The following NPR1 variants were observed in gnomAD, a reference collection of about 807,000 sequenced individuals.
NPR1 encodes natriuretic peptide receptor 1.
Under a neutral mutation model 116.9 loss-of-function variants are expected in NPR1, and 57 were observed. The observed-to-expected ratio is 0.49, with a 90% CI of 0.39 to 0.61. The LOEUF (loss-of-function observed/expected upper bound fraction) is 0.61. NPR1 is among the 20% of genes least tolerant of loss of function. The probability of loss-of-function intolerance (pLI) is 0.00; values close to 1 mark genes in which losing one functional copy is unlikely to be tolerated. For synonymous variants in NPR1, 555 were observed against 601.6 expected (o/e 0.92, Z 1.13); for missense variants, 1,096 against 1,409.8 (o/e 0.78, Z 3.56).
Position 153,693,719 on chromosome 1 carries a change from C to A in NPR1, c.*305C>A. The A allele has an allele frequency of 2.5e-6, 1 of 406,908 alleles. No individual in the cohort carries two copies. The highest frequency in any genetic ancestry group is 4.3e-6 in the Non-Finnish European group (1 of 231,464). The allele number at this position is 406,908 out of a possible 1,614,324, so 25.2% of individuals were successfully genotyped here. A position where few individuals can be genotyped will look rare whatever the true frequency, so the allele number is the denominator to read the frequency against. On this transcript the variant is annotated 3_prime_UTR_variant, in exon 22 of 22. Coordinates refer to ENST00000368680, the MANE Select transcript of NPR1 (RefSeq NM_000906.4). The stretch of plus-strand genomic sequence containing the variant: ...CTGGGCTGTGGATTCCTGATCCCCT[C>A]CCCTCCCCATGCTCTCCTCCCTCAG...
intron 6 of NPR1, 87 bp from the exon 7 acceptor site, chr1:153,683,648 TCATCC>T: frequency 1.3e-6 from 2 of 1,543,352 alleles, no homozygotes; most frequent in Non-Finnish European, 1.8e-6. Context: ...CCTTCATCCA[TCATCC>T]CAGTTCACTG....
At chr1:153,685,626 T>C (rs565889351) in intron 8 of NPR1, among the ~76,000 whole-genome samples, 180 bp from the exon 9 acceptor site, 2 of 152,048 alleles carry the variant, frequency 1.3e-5, no homozygotes, top group East Asian at 3.9e-4. Flanking sequence ...ATAGCACCAC[T>C]GCACTCCAGC....
At chr1:153,683,880 A>G in intron 7 of NPR1, 56 bp downstream of exon 7, 1 of 1,502,222 alleles carries the variant, frequency 6.7e-7, no homozygotes, top group Non-Finnish European at 9.2e-7. Context: ...AACCAATAGC[A>G]GAGGAGGCGG....
In NPR1 at chr1:153,693,440, A is replaced by AC; in HGVS notation, c.*28dup. 6.5e-7 allele frequency: 1 copy of AC among 1,544,546 alleles called. No individual in the cohort carries two copies. The highest frequency in any genetic ancestry group is 8.7e-7 in the Non-Finnish European group (1 of 1,146,174). On this transcript the variant is annotated 3_prime_UTR_variant, in exon 22 of 22. Transcript: ENST00000368680. The stretch of plus-strand genomic sequence containing the variant: ...CCTGCCTCCTCTCCTATCCCTCCAC[A>AC]CCTCCCTACCCTGTGCCAGAAGCAA...
intron 10 of NPR1, 135 bp downstream of exon 10, chr1:153,686,335 C>T: frequency 2.4e-6 from 2 of 840,004 alleles, no homozygotes; most frequent in Non-Finnish European, 2.0e-6. Flanking sequence ...CTGGGATGGA[C>T]CTTCATCTTG....
chr1:153,678,795 C>G lies in NPR1; in HGVS notation c.-314C>G. On this transcript the variant is annotated 5_prime_UTR_variant, in exon 1 of 22. Coordinates refer to ENST00000368680, the MANE Select transcript of NPR1 (RefSeq NM_000906.4). This position sits in a 1 kb window ranked among gnomAD's most constrained non-coding sequence, Gnocchi z 5.8. ...CACGAAGCGCTCACTCGCACCCTTT[C>G]TCTCTCTCTCTCTCTCTCTCTAACA... The G allele has an allele frequency of 1.1e-4, 6 of 54,974 alleles. No homozygotes were observed. Among genetic ancestry groups the G allele is most frequent in the East Asian group, 1.9e-3 (1 of 528 alleles). The allele number at this position is 54,974 out of a possible 1,614,324, so 3.4% of individuals were successfully genotyped here.
chr1:153,682,102 T>C (rs185178478), intron 4 of NPR1, among the ~76,000 whole-genome samples: 1 of 152,164 alleles, frequency 6.6e-6, no homozygotes, highest in Admixed American at 6.5e-5. Context: ...TCCCCAAGAC[T>C]GGAGTGTGGT....
chr1:153,678,806 TC>T lies in NPR1; in HGVS notation c.-302del. On this transcript the variant is annotated 5_prime_UTR_variant, in exon 1 of 22. Transcript: ENST00000368680. The surrounding 1 kb of genome is among the most constrained non-coding windows in gnomAD (Gnocchi z 5.8). ...CACTCGCACCCTTTCTCTCTCTCTC[TC>T]TCTCTCTCTAACACGCACGCACACT... The T allele has an allele frequency of 2.5e-6, 1 of 407,036 alleles. No individual in the cohort carries two copies. Among genetic ancestry groups the T allele is most frequent in the Non-Finnish European group, 4.3e-6 (1 of 230,958 alleles). The allele number at this position is 407,036 out of a possible 1,614,324, so 25.2% of individuals were successfully genotyped here. A position where few individuals can be genotyped will look rare whatever the true frequency, so the allele number is the denominator to read the frequency against.
In NPR1 at chr1:153,681,742, G is replaced by C. The variant is rs1270157417; in HGVS notation, c.1074G>C (p.Leu358=). Residue 358 remains leucine, a synonymous_variant, in exon 4 of 22, where the codon CTG becomes CTC. Transcript: ENST00000368680. ...TIPASFHDGL[L]LYIQAVTETL... is the part of the protein sequence containing the mutation. The stretch of plus-strand genomic sequence containing the variant: ...CAGCATCCTTCCACGACGGGCTCCT[G>C]CTCTATATCCAGGCAGTGACGGAGA... The C allele has an allele frequency of 6.2e-7, 1 of 1,613,980 alleles. No homozygotes were observed. The highest frequency in any genetic ancestry group is 8.5e-7 in the Non-Finnish European group (1 of 1,179,990).
In NPR1 at chr1:153,690,402, A is replaced by G. The variant is rs1466451363; in HGVS notation, c.3031+20A>G. The stretch of plus-strand genomic sequence containing the variant: ...GGGAAGGTACAGTGCCCCCTCCTAG[A>G]GGGAATGGGGAGGGCAGGGTGGCTG... On this transcript the variant is annotated intron_variant, in intron 20 of 21. Coordinates refer to ENST00000368680, the MANE Select transcript of NPR1 (RefSeq NM_000906.4). 1.6e-5 allele frequency: 25 copies of G among 1,533,034 alleles called. No individual in the cohort carries two copies. Among genetic ancestry groups the G allele is most frequent in the Non-Finnish European group, 2.2e-5 (25 of 1,129,822 alleles). 95.0% of individuals were successfully genotyped at this position (1,533,034 alleles called of 1,614,324 possible). A position where few individuals can be genotyped will look rare whatever the true frequency, so the allele number is the denominator to read the frequency against.
chr1:153,693,022 CA>C, intron 20 of NPR1, 83 bp from the exon 21 acceptor site: 1 of 1,114,534 alleles, frequency 9.0e-7, no homozygotes, highest in Non-Finnish European at 1.3e-6. Flanking sequence ...TGTCCACCCC[CA>C]CAGTCCCTGG....
Position 153,689,872 on chromosome 1 carries a change from G to C in NPR1, c.2824G>C (p.Ala942Pro). Residue 942 changes from alanine to proline, a missense_variant, in exon 19 of 22, where the codon GCC (alanine) becomes CCC (proline). By Grantham distance (27) the Ala-to-Pro change is conservative. Coordinates refer to ENST00000368680, the MANE Select transcript of NPR1 (RefSeq NM_000906.4). This position sits in a 1 kb window ranked among gnomAD's most constrained non-coding sequence, Gnocchi z 5.1. Reference protein sequence around the residue: ...GLPVRNGRLHACEVARMALAL... With the variant: ...GLPVRNGRLHPCEVARMALAL... ...CCCTGTGCGGAACGGGCGGCTACAC[G>C]CCTGCGAGGTAGCCCGCATGGCCCT... is the stretch of plus-strand genomic sequence containing the variant. 5.7e-6 allele frequency: 9 copies of C among 1,590,690 alleles called. No individual in the cohort carries two copies. Among genetic ancestry groups the C allele is most frequent in the Non-Finnish European group, 6.9e-6 (8 of 1,166,678 alleles).
At chr1:153,681,972 T>G (rs1292705872) in intron 4 of NPR1, 133 bp downstream of exon 4, 1 of 1,070,822 alleles carries the variant, frequency 9.3e-7, no homozygotes, top group Non-Finnish European at 1.3e-6. Flanking sequence ...ACAGCTTTTT[T>G]CAGGCCCATC....
Position 153,678,958 on chromosome 1 carries a change from A to AG in NPR1, c.-146dup, listed in dbSNP as rs1669676155. ...TCTCGGCCCAGACCGTCGCAGCTACAGGGGGCCTCGAGCCCCGGGGTGAGC... is the reference window on the plus strand; with the variant it reads ...TCTCGGCCCAGACCGTCGCAGCTACAGGGGGGCCTCGAGCCCCGGGGTGAGC... On this transcript the variant is annotated 5_prime_UTR_variant, in exon 1 of 22. Coordinates refer to ENST00000368680, the MANE Select transcript of NPR1 (RefSeq NM_000906.4). The surrounding 1 kb of genome is among the most constrained non-coding windows in gnomAD (Gnocchi z 5.8). 3 of 1,028,884 alleles carry AG rather than the reference A, an allele frequency of 2.9e-6. No homozygotes were observed. The South Asian group carries it at 6.7e-5, about 23-fold the overall frequency. 63.7% of individuals were successfully genotyped at this position (1,028,884 alleles called of 1,614,324 possible). A position where few individuals can be genotyped will look rare whatever the true frequency, so the allele number is the denominator to read the frequency against.
intron 20 of NPR1, among the ~76,000 whole-genome samples, chr1:153,690,962 A>T (rs1392247122): frequency 6.6e-6 from 1 of 150,756 alleles, no homozygotes; most frequent in Non-Finnish European, 1.5e-5. Context: ...AAAAAAAAAA[A>T]AAAAAAAGAC....
Position 153,683,357 on chromosome 1 carries a change from C to T in NPR1, c.1264-19C>T. 1 of 1,611,222 alleles carries T rather than the reference C, an allele frequency of 6.2e-7. No homozygotes were observed. The highest frequency in any genetic ancestry group is 8.5e-7 in the Non-Finnish European group (1 of 1,178,342). On this transcript the variant is annotated intron_variant, in intron 5 of 21. Transcript: ENST00000368680. ...TCCCCGCAGGCCCTGGCCTAGCCAC[C>T]ACTCCTGCTCTCCCTTAGGTTGTAC...
rs768605793 is a variant in NPR1, at chr1:153,686,224, G to A, written c.1758+24G>A. ...ATGTAATGTGGGGAGTGAGGCAGTGGCATGGAGAAGGGGCCCTCGGGGACG... is the reference window on the plus strand; with the variant it reads ...ATGTAATGTGGGGAGTGAGGCAGTGACATGGAGAAGGGGCCCTCGGGGACG... On this transcript the variant is annotated intron_variant, in intron 10 of 21. Transcript: ENST00000368680. 12 of 1,609,558 alleles carry A rather than the reference G, an allele frequency of 7.5e-6. 1 individual carries two copies. The highest frequency in any genetic ancestry group is 6.6e-5 in the South Asian group (6 of 90,872).
At chr1:153,684,265 C>T (rs1669864355) in intron 7 of NPR1, among the ~76,000 whole-genome samples, 1 of 151,544 alleles carries the variant, frequency 6.6e-6, no homozygotes, top group African/African-American at 2.4e-5. Flanking sequence ...CCAGTGGAGG[C>T]TAAAATGAAG....
intron 3 of NPR1, 114 bp from the exon 4 acceptor site, chr1:153,681,590 T>C (rs1247398290): frequency 8.6e-7 from 1 of 1,169,138 alleles, no homozygotes; most frequent in Non-Finnish European, 1.2e-6. Context: ...TATAGGGGTG[T>C]TATTTTCTCC....
Sources: allele counts gnomAD v4.1 joint callset (sites outside exome capture counted in the v4.1 genomes callset), GRCh38; gene constraint gnomAD v4.1.1; non-coding constraint Gnocchi (gnomAD v3.1); transcripts MANE v1.5; gene names NCBI Gene and HGNC (gene_info 2026-07-23, HGNC 2026-07-21).